IDI1: variants seen among roughly 807,000 people sequenced by gnomAD.
IDI1 encodes isopentenyl-diphosphate Delta-isomerase 1.
A neutral mutation model predicts 32.9 loss-of-function variants in IDI1; 23 were observed. The ratio of observed to expected loss-of-function variants is 0.70; its 90% CI spans 0.50 to 0.99. The LOEUF (loss-of-function observed/expected upper bound fraction) is 0.99. IDI1 is among the 50% of genes least tolerant of loss of function. IDI1 has a pLI of 0.00. For synonymous variants in IDI1, 133 were observed against 128.2 expected (o/e 1.04, Z -0.25); for missense variants, 326 against 351.9 (o/e 0.93, Z 0.59).
the IDI1 span, chr10:1,056,446 G>A: frequency 0.13 from 20,057 of 152,192 alleles, 1,768 homozygotes; most frequent in Non-Finnish European, 0.2. Context: ...GGCCGGCACC[G>A]CGGCCCTGAG....
At chr10:1,046,325 G>A (rs986573112) in intron 1 of IDI1, among the ~76,000 whole-genome samples, 8 of 152,142 alleles carry the variant, frequency 5.3e-5, no homozygotes, top group African/African-American at 1.4e-4. Context: ...TTGTAACATC[G>A]GAGCACAACA....
chr10:1,049,297 T>A (rs1045690607), upstream of IDI1: 5 of 426,054 alleles, frequency 1.2e-5, no homozygotes, highest in African/African-American at 4.2e-5. Context: ...ACGTCAGACG[T>A]CTCGAGGCTC....
chr10:1,050,218 A>G (rs1369781464), upstream of IDI1, among the ~76,000 whole-genome samples: 1 of 152,250 alleles, frequency 6.6e-6, no homozygotes, highest in Non-Finnish European at 1.5e-5. Flanking sequence ...AAAACACACG[A>G]CACTAACATA....
intron 3 of IDI1, 52 bp downstream of exon 3, chr10:1,043,247 TAA>T: frequency 9.1e-7 from 1 of 1,095,376 alleles, no homozygotes; most frequent in South Asian, 1.3e-5. Flanking sequence ...TTCAGAATGA[TAA>T]AAAGTCAAAT....
intron 4 of IDI1, 56 bp downstream of exon 4, chr10:1,042,576 C>T: frequency 6.3e-7 from 1 of 1,584,352 alleles, no homozygotes; most frequent in Non-Finnish European, 8.7e-7. Flanking sequence ...TATTAAAAAC[C>T]TTTTTATAGT....
In IDI1 at chr10:1,042,640, A is replaced by C. The variant is rs776674889; in HGVS notation, c.529T>G (p.Leu177Val). ...GTAGGAGAGCTGGTTACCTCTTCCA[A>C]GGGAATTCCTAGCTCAGCTTTCAGC... ...RRLKAELGIPLEEVPPEEINY... is the reference protein window; with the variant it reads ...RRLKAELGIPVEEVPPEEINY... The change falls in exon 4 of 5, where the codon TTG (leucine) becomes GTG (valine). Residue 177 changes from leucine to valine, a missense_variant. Around this residue, in one of 2 missense-constraint regions of IDI1, gnomAD observed 205 missense variants for 273.5 expected, o/e 0.75. Transcript: ENST00000381344. The C allele has an allele frequency of 6.2e-7, 1 of 1,613,900 alleles. No individual in the cohort carries two copies. The highest frequency in any genetic ancestry group is 8.5e-7 in the Non-Finnish European group (1 of 1,179,916).
upstream of IDI1, among the ~76,000 whole-genome samples, chr10:1,051,606 C>T (rs1353403058): frequency 6.6e-6 from 1 of 152,192 alleles, no homozygotes; most frequent in Non-Finnish European, 1.5e-5. Context: ...GCTTTATGTG[C>T]ATTTCCCATT....
At chr10:1,047,982 T>C (rs1479278753) in intron 1 of IDI1, among the ~76,000 whole-genome samples, 1 of 152,164 alleles carries the variant, frequency 6.6e-6, no homozygotes, top group South Asian at 2.1e-4. Flanking sequence ...TAAGATAGGT[T>C]TCGTTACTAC....
chr10:1,045,632 A>T (rs1022168329), intron 1 of IDI1, among the ~76,000 whole-genome samples: 2 of 152,180 alleles, frequency 1.3e-5, no homozygotes, highest in Non-Finnish European at 2.9e-5. Flanking sequence ...ACGCCAGGCT[A>T]ATTTTTGTAT....
At position 1,048,965 on chromosome 10, in the gene IDI1, G is replaced by A. The variant is rs1265935957; in HGVS notation, c.39C>T (p.Cys13=). 1 of 1,549,974 alleles carries A rather than the reference G, an allele frequency of 6.5e-7. No individual in the cohort carries two copies. Among genetic ancestry groups the A allele is most frequent in the Non-Finnish European group, 8.7e-7 (1 of 1,152,548 alleles). Residue 13 remains cysteine, a synonymous_variant, in exon 1 of 5, where the codon TGC becomes TGT. Coordinates refer to ENST00000381344, the MANE Select transcript of IDI1 (RefSeq NM_004508.4). ...CCCACTGGCCCCGCCCCCGGGCCGC[G>A]CAGCCAATCGCTCGCGCCAGCGCCA... The part of the protein sequence containing the change: ...RGLALARAIG[C]AARGRGQWAV...
upstream of IDI1, among the ~76,000 whole-genome samples, chr10:1,049,355 A>G: frequency 6.6e-6 from 1 of 152,012 alleles, no homozygotes; most frequent in Admixed American, 6.5e-5. Context: ...CCGGGCGCCA[A>G]GCCCTGCAGC....
At position 1,041,342 on chromosome 10, in the gene IDI1, C is replaced by A; in HGVS notation, c.700G>T (p.Glu234Ter). The A allele has an allele frequency of 6.2e-7, 1 of 1,613,794 alleles. No individual in the cohort carries two copies. Among genetic ancestry groups the A allele is most frequent in the Non-Finnish European group, 8.5e-7 (1 of 1,179,820 alleles). The change falls in exon 5 of 5, where the codon GAA becomes TAA. Residue 234 changes from glutamate (E) to a stop codon, truncating the protein, a stop_gained. Transcript: ENST00000381344. LOFTEE classifies it high-confidence loss of function. ...EIKSYCYVSK[E>*]ELKELLKKAA... ...TTTTTCAGAAGTTCTTTTAGTTCTT[C>A]CTTTGACACATAACAATAGCTTTTA...
chr10:1,050,013 T>C (rs2131587184), upstream of IDI1, among the ~76,000 whole-genome samples: 1 of 152,322 alleles, frequency 6.6e-6, no homozygotes, highest in African/African-American at 2.4e-5. Flanking sequence ...AGCTATTTCC[T>C]CTACCTTTTG....
intron 1 of IDI1, among the ~76,000 whole-genome samples, chr10:1,046,144 G>GT (rs1832803200): frequency 6.6e-6 from 1 of 152,182 alleles, no homozygotes; most frequent in South Asian, 2.1e-4. Flanking sequence ...GGATGCTGAA[G>GT]TTTCAGATAT....
At chr10:1,046,447 A>G (rs1832812537) in intron 1 of IDI1, among the ~76,000 whole-genome samples, 2 of 152,126 alleles carry the variant, frequency 1.3e-5, no homozygotes, top group East Asian at 3.8e-4. Flanking sequence ...CAACAGGAAA[A>G]ACAGCCTAAG....
At chr10:1,043,676 T>C (rs11250238) in intron 2 of IDI1, 579,394 of 642,306 alleles carry the variant, frequency 0.9, 261,953 homozygotes, top group Admixed American at 0.92. Flanking sequence ...TGAAGGCACA[T>C]GCTTCCCTGC....
intron 1 of IDI1, chr10:1,048,351 C>T (rs764877405): frequency 7.7e-7 from 1 of 1,304,924 alleles, no homozygotes; most frequent in South Asian, 1.2e-5. Context: ...TCTCCTGCTC[C>T]ATTCCCAGGA....
chr10:1,056,613 CAGG>C, the IDI1 span: 3 of 152,254 alleles, frequency 2.0e-5, no homozygotes, highest in African/African-American at 7.2e-5. Flanking sequence ...CGCTCGGCGG[CAGG>C]AGTACGTGAC....
chr10:1,050,971 G>A (rs532954448), upstream of IDI1, among the ~76,000 whole-genome samples: 5 of 152,066 alleles, frequency 3.3e-5, no homozygotes, highest in Non-Finnish European at 5.9e-5. Context: ...ATTCTTTTTC[G>A]ATACTACTAC....
Sources: allele counts gnomAD v4.1 joint callset (sites outside exome capture counted in the v4.1 genomes callset), GRCh38; gene constraint gnomAD v4.1.1; regional missense constraint gnomAD v4.1.1; transcripts MANE v1.5; gene names NCBI Gene and HGNC (gene_info 2026-07-23, HGNC 2026-07-21).